STXBP5L: variants seen among roughly 807,000 people sequenced by gnomAD.
STXBP5L encodes the protein syntaxin-binding protein 5-like.
A neutral mutation model predicts 144.5 loss-of-function variants in STXBP5L; 65 were observed. The ratio of observed to expected loss-of-function variants is 0.45; its 90% CI spans 0.37 to 0.55. The LOEUF (loss-of-function observed/expected upper bound fraction) is 0.55. Ranked by LOEUF, STXBP5L falls within the 20% of genes least tolerant of loss-of-function variation. The pLI, the probability that STXBP5L is intolerant of heterozygous loss-of-function variation, is 0.00. For missense variants in STXBP5L, 1,298 were observed against 1,405.5 expected (o/e 0.92, Z 1.22); for synonymous variants, 505 against 469.6 (o/e 1.08, Z -0.97).
intron 6 of STXBP5L, among the ~76,000 whole-genome samples, chr3:121,116,392 A>T (rs1056124323): frequency 1.3e-5 from 2 of 152,108 alleles, no homozygotes; most frequent in African/African-American, 2.4e-5. Flanking sequence ...TACTCTTGTC[A>T]TGATACTCCT....
At chr3:121,387,757 G>A (rs759621787) in intron 22 of STXBP5L, among the ~76,000 whole-genome samples, 2 of 152,084 alleles carry the variant, frequency 1.3e-5, no homozygotes, top group African/African-American at 2.4e-5. Flanking sequence ...TGTTCCATTG[G>A]TCTATATCTC....
At chr3:121,418,087 T>G (rs2047280723) in intron 25 of STXBP5L, among the ~76,000 whole-genome samples, 1 of 152,224 alleles carries the variant, frequency 6.6e-6, no homozygotes, top group Non-Finnish European at 1.5e-5. Context: ...AGAAATGCAA[T>G]TATGCCATAT....
Position 121,098,042 on chromosome 3 carries a change from C to G in STXBP5L, c.471-16883C>G, listed in dbSNP as rs551410188. 8.5e-5 allele frequency among the ~76,000 whole-genome samples: 13 copies of G among 152,080 alleles called. No individual in the cohort carries two copies. The East Asian group carries it at 2.3e-3, about 27-fold the overall frequency. ...AGTTGATGTTTTTTAAATGAAAATG[C>G]AGAATTTTCTATGTATCCCTATTAG... is the stretch of plus-strand genomic sequence containing the variant. On this transcript the variant is annotated intron_variant, in intron 5 of 26. Transcript: ENST00000471454.
intron 5 of STXBP5L, among the ~76,000 whole-genome samples, chr3:121,087,735 G>A (rs1472880119): frequency 6.6e-6 from 1 of 151,608 alleles, no homozygotes; most frequent in East Asian, 1.9e-4. Flanking sequence ...ATTTGTTATT[G>A]CTCTGCTTTT....
chr3:121,148,676 A>G (rs1339524313), intron 7 of STXBP5L, among the ~76,000 whole-genome samples: 1 of 152,140 alleles, frequency 6.6e-6, no homozygotes, highest in East Asian at 1.9e-4. Flanking sequence ...TGTGAAAATG[A>G]AAACATGAAG....
chr3:121,224,247 A>G (rs963184920), intron 11 of STXBP5L, among the ~76,000 whole-genome samples: 22 of 152,304 alleles, frequency 1.4e-4, no homozygotes, highest in African/African-American at 5.1e-4. Context: ...AAGTGAGCAT[A>G]CTTCTTAAAC....
chr3:121,069,275 T>C (rs1560087451), intron 5 of STXBP5L, among the ~76,000 whole-genome samples: 1 of 152,228 alleles, frequency 6.6e-6, no homozygotes, highest in Admixed American at 6.5e-5. Flanking sequence ...TGGGATTGTA[T>C]TTTTACAAAG....
At chr3:121,065,373 T>G (rs2041493414) in intron 5 of STXBP5L, among the ~76,000 whole-genome samples, 2 of 152,142 alleles carry the variant, frequency 1.3e-5, no homozygotes, top group African/African-American at 4.8e-5. Flanking sequence ...TAATATATAT[T>G]CATACATATT....
At chr3:120,933,826 A>T (rs1710100708) in intron 2 of STXBP5L, among the ~76,000 whole-genome samples, 1 of 152,160 alleles carries the variant, frequency 6.6e-6, no homozygotes, top group African/African-American at 2.4e-5. Flanking sequence ...AGGATTAAAG[A>T]TCATTTAGGA....
In STXBP5L at chr3:121,348,933, AG is replaced by A. The variant is rs747180395; in HGVS notation, c.2177-29780del. Among the ~76,000 whole-genome samples the A allele has an allele frequency of 4.6e-5, 7 of 152,116 alleles. No homozygotes were observed. In the South Asian group the frequency reaches 1.5e-3, roughly 32 times the overall value. On this transcript the variant is annotated intron_variant, in intron 20 of 26. Coordinates refer to ENST00000471454, the MANE Select transcript of STXBP5L (RefSeq NM_001308330.2). ...ACTCCTGGATTCATTGATTTTTTGA[AG>A]GGTTTTTTGTGTGTCTATCTCCTTC...
At chr3:121,239,206 A>G (rs905088401) in intron 13 of STXBP5L, 88 bp downstream of exon 13, 1 of 710,210 alleles carries the variant, frequency 1.4e-6, no homozygotes, top group African/African-American at 1.9e-5. Flanking sequence ...TACATTCCAT[A>G]TAGGAGGACT....
intron 19 of STXBP5L, among the ~76,000 whole-genome samples, chr3:121,286,276 T>G (rs1274333736): frequency 6.6e-6 from 1 of 151,738 alleles, no homozygotes; most frequent in African/African-American, 2.4e-5. Context: ...AAGAGAACTA[T>G]CCAAGAAAGG....
chr3:121,139,041 A>G (rs1392514705), intron 7 of STXBP5L, among the ~76,000 whole-genome samples: 1 of 152,040 alleles, frequency 6.6e-6, no homozygotes, highest in Admixed American at 6.6e-5. Context: ...AATTCTGCTC[A>G]CAGAATTAAA....
intron 19 of STXBP5L, among the ~76,000 whole-genome samples, chr3:121,302,147 T>C (rs2051940497): frequency 6.6e-6 from 1 of 152,224 alleles, no homozygotes; most frequent in South Asian, 2.1e-4. Flanking sequence ...GTACCTCTGG[T>C]AGAATTCGGC....
chr3:121,381,198 T>G, intron 21 of STXBP5L, 95 bp from the exon 22 acceptor site: 1 of 1,252,502 alleles, frequency 8.0e-7, no homozygotes, highest in Non-Finnish European at 1.1e-6. Flanking sequence ...AAATTTTACT[T>G]CCTCCTCATA....
rs753333961 is a variant in STXBP5L, at chr3:121,282,247, G to A, written c.2110+2291G>A. On this transcript the variant is annotated intron_variant, in intron 19 of 26. Transcript: ENST00000471454. Reference sequence around the variant, plus strand: ...TCTTCTGCCTGCTGCTGATGCTGGTGGTCTGGCATGTTCCAAAGACAACTT... The same window carrying A: ...TCTTCTGCCTGCTGCTGATGCTGGTAGTCTGGCATGTTCCAAAGACAACTT... 2.5e-6 allele frequency: 4 copies of A among 1,606,640 alleles called. No individual in the cohort carries two copies. The East Asian group carries it at 6.7e-5, about 27-fold the overall frequency.
intron 9 of STXBP5L, among the ~76,000 whole-genome samples, chr3:121,165,964 C>G (rs111226007): frequency 0.51 from 18,228 of 35,818 alleles, 1,147 homozygotes; most frequent in South Asian, 0.53. Context: ...AATATCGCCC[C>G]TGTTCCATTC....
chr3:121,267,253 A>G (rs1352719442), intron 18 of STXBP5L, among the ~76,000 whole-genome samples: 2 of 152,134 alleles, frequency 1.3e-5, no homozygotes, highest in Non-Finnish European at 2.9e-5. Context: ...CAGAAATAAC[A>G]CCACACATTT....
chr3:121,245,376 C>T (rs545989600), intron 14 of STXBP5L, among the ~76,000 whole-genome samples: 3 of 148,186 alleles, frequency 2.0e-5, no homozygotes, highest in Non-Finnish European at 4.5e-5. Context: ...CCAAAGGAAG[C>T]CAGCAAGAGA....
Sources: gnomAD v4.1 joint callset for allele counts (sites outside exome capture counted in the v4.1 genomes callset) on GRCh38, gnomAD v4.1.1 for gene constraint, MANE v1.5 for transcripts, NCBI Gene and HGNC (gene_info 2026-07-23, HGNC 2026-07-21) for gene names.